Variants in FYCO1 observed in about 807,000 individuals in gnomAD.
FYCO1 encodes FYVE and coiled-coil domain autophagy adaptor 1, also known as FYVE and coiled-coil domain-containing protein 1.
Under a neutral mutation model 165.1 loss-of-function variants are expected in FYCO1, and 122 were observed. The observed-to-expected ratio is 0.74, with a 90% CI of 0.64 to 0.86. The LOEUF (loss-of-function observed/expected upper bound fraction) is 0.86, where lower values mean the gene tolerates loss of function less well. Among genes scored for constraint, FYCO1 ranks in the 40% least tolerant of loss-of-function variants. The probability of loss-of-function intolerance (pLI) is 0.00; values close to 1 mark genes in which losing one functional copy is unlikely to be tolerated. For synonymous variants in FYCO1, 648 were observed against 742.5 expected (o/e 0.87, Z 2.07); for missense variants, 1,702 against 1,810.3 (o/e 0.94, Z 1.09).
intron 1 of FYCO1, 37 bp from the exon 2 acceptor site, chr3:45,985,059 T>C (rs1031955973): frequency 1.3e-5 from 10 of 767,626 alleles, no homozygotes; most frequent in African/African-American, 3.4e-5. Flanking sequence ...AGGAAGCAGA[T>C]ACAGACACAA....
At chr3:45,995,011 T>C (rs1361526134) in intron 1 of FYCO1, among the ~76,000 whole-genome samples, 1 of 151,988 alleles carries the variant, frequency 6.6e-6, no homozygotes, top group Non-Finnish European at 1.5e-5. Context: ...CATGTGCTTT[T>C]CTTACAAAAA....
chr3:45,948,845 T>A (rs1704809381), intron 14 of FYCO1, among the ~76,000 whole-genome samples: 1 of 152,214 alleles, frequency 6.6e-6, no homozygotes, highest in South Asian at 2.1e-4. Context: ...TCTTAGCCTC[T>A]GAGCACCTGT....
intron 15 of FYCO1, 23 bp from the exon 16 acceptor site, chr3:45,931,304 G>A (rs770889438): frequency 6.2e-7 from 1 of 1,607,776 alleles, no homozygotes. Context: ...TACAGAGAGG[G>A]ACCTGATTGA....
chr3:45,970,346 T>C (rs1319434237), intron 6 of FYCO1, among the ~76,000 whole-genome samples: 3 of 152,216 alleles, frequency 2.0e-5, no homozygotes, highest in Non-Finnish European at 4.4e-5. Flanking sequence ...ATCAGAATCA[T>C]CTCCTAAATC....
chr3:45,932,024 T>A (rs773483717), intron 15 of FYCO1, among the ~76,000 whole-genome samples: 18 of 152,180 alleles, frequency 1.2e-4, no homozygotes, highest in Admixed American at 4.6e-4. Flanking sequence ...GAATGTGAGG[T>A]TAGGGGCCAA....
rs1197754129 is a variant in FYCO1 at position 45,962,810 on chromosome 3, CCA to C, written c.3270-420_3270-419del. Among the ~76,000 whole-genome samples the C allele has an allele frequency of 6.6e-6, 1 of 152,058 alleles. No homozygotes were observed. Among genetic ancestry groups the C allele is most frequent in the East Asian group, 1.9e-4 (1 of 5,174 alleles). On this transcript the variant is annotated intron_variant, in intron 10 of 17. Coordinates refer to ENST00000296137, the MANE Select transcript of FYCO1 (RefSeq NM_024513.4). This position sits in a 1 kb window ranked among gnomAD's most constrained non-coding sequence, Gnocchi z 4.4. ...GGCCACACAGAGGAGGGCCTGTCTT[CCA>C]CACGTCCTTGGGACTCTACACATGG...
chr3:45,985,484 G>T (rs1193835383), intron 1 of FYCO1, among the ~76,000 whole-genome samples: 4 of 152,182 alleles, frequency 2.6e-5, no homozygotes, highest in Non-Finnish European at 5.9e-5. Flanking sequence ...AGAATGGTCA[G>T]TCTCTAGCCA....
chr3:45,970,426 G>A (rs1056880269), intron 6 of FYCO1, among the ~76,000 whole-genome samples: 1 of 152,214 alleles, frequency 6.6e-6, no homozygotes, highest in Non-Finnish European at 1.5e-5. Context: ...CTTCCCTGAA[G>A]ACAGTCACAT....
chr3:45,962,206 G>C lies in FYCO1; in HGVS notation c.3437+19C>G. 6.2e-7 allele frequency: 1 copy of C among 1,613,802 alleles called. No individual in the cohort carries two copies. The highest frequency in any genetic ancestry group is 1.1e-5 in the South Asian group (1 of 91,072). ...CAGTGTGGGGAAAACCCCAGCTGCT[G>C]GTTTGACACAGCACTCACCTGAGCA... On this transcript the variant is annotated intron_variant, in intron 11 of 17. Transcript: ENST00000296137. This position sits in a 1 kb window ranked among gnomAD's most constrained non-coding sequence, Gnocchi z 4.4.
Position 45,966,802 on chromosome 3 carries a change from C to T in FYCO1, c.2532G>A (p.Glu844=), listed in dbSNP as rs753925364. The part of the protein sequence containing the change: ...NEALNRAHVQ[E]LLQCSEREGA... ...CTTCACGCTCCGAGCATTGCAGCAG[C>T]TCCTGGACATGGGCTCTGTTAAGGG... Residue 844 remains glutamate, a synonymous_variant, in exon 8 of 18, where the codon GAG becomes GAA. Coordinates refer to ENST00000296137, the MANE Select transcript of FYCO1 (RefSeq NM_024513.4). 5 of 1,610,210 alleles carry T rather than the reference C, an allele frequency of 3.1e-6. No individual in the cohort carries two copies. In the Admixed American group the frequency reaches 8.3e-5, roughly 27 times the overall value.
chr3:45,919,370 A>C lies in FYCO1; in HGVS notation c.*2395T>G, dbSNP rs978863896. 1.3e-5 allele frequency: 2 copies of C among 152,240 alleles called. No individual in the cohort carries two copies. Among genetic ancestry groups the C allele is most frequent in the Admixed American group, 6.5e-5 (1 of 15,288 alleles). 9.4% of individuals were successfully genotyped at this position (152,240 alleles called of 1,614,324 possible). A position where few individuals can be genotyped will look rare whatever the true frequency, so the allele number is the denominator to read the frequency against. On this transcript the variant is annotated 3_prime_UTR_variant, in exon 18 of 18. Coordinates refer to ENST00000296137, the MANE Select transcript of FYCO1 (RefSeq NM_024513.4). ...CAAAATACAAATGTCCACCCAGCAC[A>C]AAAAATAAATTCGCTAATGAAACCA...
At chr3:45,969,988 G>A (rs1310831269) in intron 6 of FYCO1, among the ~76,000 whole-genome samples, 1 of 152,166 alleles carries the variant, frequency 6.6e-6, no homozygotes, top group Non-Finnish European at 1.5e-5. Flanking sequence ...TCCTCCCACT[G>A]CCAAAAAAGA....
intron 17 of FYCO1, 41 bp downstream of exon 17, chr3:45,923,615 G>A (rs746453946): frequency 1.6e-6 from 2 of 1,214,152 alleles, no homozygotes; most frequent in Non-Finnish European, 2.5e-6. Context: ...AGGTGAAAGA[G>A]AGGCCTGGAG....
intron 15 of FYCO1, 83 bp downstream of exon 15, chr3:45,936,365 G>A (rs1308619258): frequency 2.3e-6 from 2 of 871,986 alleles, no homozygotes; most frequent in East Asian, 4.8e-5. Context: ...CCCCCGAGGT[G>A]GTCCCCAGCG....
At position 45,964,571 on chromosome 3, in the gene FYCO1, G is replaced by T; in HGVS notation, c.3151-117C>A. The T allele has an allele frequency of 1.3e-6, 2 of 1,545,308 alleles. No individual in the cohort carries two copies. Among genetic ancestry groups the T allele is most frequent in the Non-Finnish European group, 1.7e-6 (2 of 1,147,774 alleles). ...CTGGGTCACTTCTAAATGGAGGGTT[G>T]TTTCCTATTAAGTTCAAGAGGCCAT... On this transcript the variant is annotated intron_variant, in intron 9 of 17. Transcript: ENST00000296137. This position sits in a 1 kb window ranked among gnomAD's most constrained non-coding sequence, Gnocchi z 4.1.
chr3:45,989,733 A>G (rs1326651799), intron 1 of FYCO1, among the ~76,000 whole-genome samples: 1 of 152,090 alleles, frequency 6.6e-6, no homozygotes, highest in African/African-American at 2.4e-5. Flanking sequence ...CACCAACAAT[A>G]GCAGTTTCCT....
chr3:45,968,960 C>T (rs1706268781), intron 7 of FYCO1, among the ~76,000 whole-genome samples: 1 of 152,200 alleles, frequency 6.6e-6, no homozygotes, highest in Non-Finnish European at 1.5e-5. Context: ...ATCCAGCCTT[C>T]TTCAGCCTTA....
rs1705886838 is a variant in FYCO1, at chr3:45,964,578, A to G, written c.3151-124T>C. On this transcript the variant is annotated intron_variant, in intron 9 of 17. Coordinates refer to ENST00000296137, the MANE Select transcript of FYCO1 (RefSeq NM_024513.4). This position sits in a 1 kb window ranked among gnomAD's most constrained non-coding sequence, Gnocchi z 4.1. ...ACTTCTAAATGGAGGGTTGTTTCCT[A>G]TTAAGTTCAAGAGGCCATGAACCTC... 2 of 1,535,414 alleles carry G rather than the reference A, an allele frequency of 1.3e-6. No homozygotes were observed. The highest frequency in any genetic ancestry group is 3.9e-5 in the Admixed American group (2 of 51,306).
chr3:45,985,430 C>A (rs1707262362), intron 1 of FYCO1, among the ~76,000 whole-genome samples: 2 of 152,202 alleles, frequency 1.3e-5, no homozygotes, highest in African/African-American at 4.8e-5. Context: ...ATCCCCATCT[C>A]CCCCACACCT....
Sources: gnomAD v4.1 joint callset for allele counts (sites outside exome capture counted in the v4.1 genomes callset) on GRCh38, gnomAD v4.1.1 for gene constraint, Gnocchi (gnomAD v3.1) non-coding constraint, MANE v1.5 for transcripts, NCBI Gene and HGNC (gene_info 2026-07-23, HGNC 2026-07-21) for gene names.